Variants in CDH7 observed in about 807,000 individuals in gnomAD.
CDH7 encodes cadherin-7.
Under a neutral mutation model 71.8 loss-of-function variants are expected in CDH7, and 25 were observed. That is an observed-to-expected ratio of 0.35 (90% CI 0.25 to 0.49). CDH7 has a LOEUF of 0.49. Ranked by LOEUF, CDH7 falls within the 20% of genes least tolerant of loss-of-function variation. The pLI is 0.99. For missense variants in CDH7, 862 were observed against 974.6 expected, an observed-to-expected ratio of 0.88 and a Z score of 1.54; for synonymous variants, 381 against 363.8, an observed-to-expected ratio of 1.05 and a Z score of -0.54.
chr18:65,767,835 T>C (rs946785690), intron 2 of CDH7, among the ~76,000 whole-genome samples: 1 of 152,238 alleles, frequency 6.6e-6, no homozygotes, highest in Non-Finnish European at 1.5e-5. Context: ...GCAAATACAT[T>C]GTTATTTTGT....
intron 2 of CDH7, among the ~76,000 whole-genome samples, chr18:65,769,369 T>C (rs992884517): frequency 3.3e-5 from 5 of 152,172 alleles, no homozygotes; most frequent in Non-Finnish European, 5.9e-5. Context: ...CCTGAAACAA[T>C]AAATTTTGAT....
intron 2 of CDH7, among the ~76,000 whole-genome samples, chr18:65,766,078 A>G (rs1481592239): frequency 6.6e-6 from 1 of 152,096 alleles, no homozygotes; most frequent in African/African-American, 2.4e-5. Flanking sequence ...GTATTATTTT[A>G]TGTTCTAATA....
intron 2 of CDH7, among the ~76,000 whole-genome samples, chr18:65,775,126 A>G (rs2143815288): frequency 6.6e-6 from 1 of 152,306 alleles, no homozygotes. Flanking sequence ...TTATACAGCA[A>G]TTCCTATGTT....
intron 2 of CDH7, among the ~76,000 whole-genome samples, chr18:65,797,873 C>T (rs1368098694): frequency 6.6e-6 from 1 of 152,140 alleles, no homozygotes; most frequent in Non-Finnish European, 1.5e-5. Context: ...CAAACTTCCT[C>T]TGTATTTCTC....
Position 65,793,406 on chromosome 18 carries a change from G to A in CDH7, c.211-16298G>A, listed in dbSNP as rs1910786367. On this transcript the variant is annotated intron_variant, in intron 2 of 11. Coordinates refer to ENST00000397968, the MANE Select transcript of CDH7 (RefSeq NM_004361.5). ...ACTGTACTCCAGCCAGGGTAACAGCGACACCCAGTCTCAAAAAAAAAAAAA... is the reference window on the plus strand; with the variant it reads ...ACTGTACTCCAGCCAGGGTAACAGCAACACCCAGTCTCAAAAAAAAAAAAA... Among the ~76,000 whole-genome samples the A allele has an allele frequency of 2.1e-5, 3 of 144,862 alleles. No individual in the cohort carries two copies. The South Asian group carries it at 6.6e-4, about 32-fold the overall frequency.
intron 3 of CDH7, 61 bp from the exon 4 acceptor site, chr18:65,814,424 C>A: frequency 6.3e-7 from 1 of 1,578,968 alleles, no homozygotes; most frequent in South Asian, 1.1e-5. Flanking sequence ...ACATTTTGTA[C>A]GTTTTTTGTT....
intron 11 of CDH7, among the ~76,000 whole-genome samples, chr18:65,870,277 A>G (rs1913889598): frequency 6.6e-6 from 1 of 152,198 alleles, no homozygotes; most frequent in South Asian, 2.1e-4. Context: ...TAAGTGCAAG[A>G]TAAAATTTTA....
chr18:65,837,397 A>C (rs988863674), intron 6 of CDH7, among the ~76,000 whole-genome samples: 6 of 152,114 alleles, frequency 3.9e-5, no homozygotes, highest in African/African-American at 1.4e-4. Context: ...TAGGAAAGTA[A>C]ATGTTCTTGT....
chr18:65,789,780 A>G (rs1341035528), intron 2 of CDH7, among the ~76,000 whole-genome samples: 2 of 152,096 alleles, frequency 1.3e-5, no homozygotes. Flanking sequence ...GAGGGAAAGG[A>G]GGTGGGGAGG....
At chr18:65,778,852 G>T (rs1910065835) in intron 2 of CDH7, among the ~76,000 whole-genome samples, 1 of 151,730 alleles carries the variant, frequency 6.6e-6, no homozygotes, top group Admixed American at 6.6e-5. Flanking sequence ...AATGTTTCTG[G>T]TTCAACTAAT....
chr18:65,781,769 TC>T (rs879562101), intron 2 of CDH7, among the ~76,000 whole-genome samples: 14,601 of 75,994 alleles, frequency 0.19, 2,052 homozygotes, highest in African/African-American at 0.38. Flanking sequence ...TTTCTTTCTT[TC>T]CTTCCTTCCT....
At chr18:65,869,126 A>G (rs977463373) in intron 11 of CDH7, among the ~76,000 whole-genome samples, 5 of 151,896 alleles carry the variant, frequency 3.3e-5, no homozygotes, top group Admixed American at 6.6e-5. Flanking sequence ...TGCATCCTCC[A>G]TGGTCAATTA....
chr18:65,870,174 G>A (rs1488147444), intron 11 of CDH7, among the ~76,000 whole-genome samples: 2 of 152,272 alleles, frequency 1.3e-5, no homozygotes, highest in East Asian at 3.9e-4. Context: ...TCAGTTAAAT[G>A]TTATAGTTGA....
intron 11 of CDH7, among the ~76,000 whole-genome samples, chr18:65,878,714 G>C (rs1914137902): frequency 6.6e-6 from 1 of 152,148 alleles, no homozygotes; most frequent in African/African-American, 2.4e-5. Context: ...CATCAACCTA[G>C]TACATATATG....
chr18:65,848,944 G>A (rs980282832), intron 7 of CDH7, among the ~76,000 whole-genome samples: 6 of 152,102 alleles, frequency 3.9e-5, no homozygotes, highest in African/African-American at 4.8e-5. Context: ...CATATTTGGG[G>A]TGTTTGAATA....
intron 2 of CDH7, among the ~76,000 whole-genome samples, chr18:65,801,849 A>G (rs1273789186): frequency 1.3e-5 from 2 of 152,192 alleles, no homozygotes. Flanking sequence ...TTTTATTTCC[A>G]TTGCTTTAGC....
rs1405551401 is a variant in CDH7, at chr18:65,883,160, C to A, written c.*2266C>A. The A allele has an allele frequency of 6.6e-6, 1 of 151,696 alleles. No homozygotes were observed. Among genetic ancestry groups the A allele is most frequent in the Admixed American group, 6.6e-5 (1 of 15,234 alleles). 9.4% of individuals were successfully genotyped at this position (151,696 alleles called of 1,614,324 possible). On this transcript the variant is annotated 3_prime_UTR_variant, in exon 12 of 12. Transcript: ENST00000397968. ...TAATAATTTAAAATTATTGCATATA[C>A]CCAATTGCTATTTATGTGTGGATGA...
intron 7 of CDH7, among the ~76,000 whole-genome samples, chr18:65,855,748 T>G (rs1406653054): frequency 1.3e-5 from 2 of 152,136 alleles, no homozygotes; most frequent in Non-Finnish European, 1.5e-5. Context: ...TTTTTACAAG[T>G]ACAGCCTTAT....
At chr18:65,785,258 C>T (rs555151533) in intron 2 of CDH7, among the ~76,000 whole-genome samples, 20 of 151,484 alleles carry the variant, frequency 1.3e-4, no homozygotes, top group African/African-American at 4.6e-4. Flanking sequence ...TATTATTAGG[C>T]GATTCTCAAA....
Sources: allele counts gnomAD v4.1 joint callset (sites outside exome capture counted in the v4.1 genomes callset), GRCh38; gene constraint gnomAD v4.1.1; transcripts MANE v1.5; gene names NCBI Gene and HGNC (gene_info 2026-07-23, HGNC 2026-07-21).